P4HB: variants seen among roughly 807,000 people sequenced by gnomAD.
P4HB encodes the protein protein disulfide-isomerase.
P4HB carries 20 observed loss-of-function variants against 52.6 expected under a neutral mutation model. That is an observed-to-expected ratio of 0.38 (90% CI 0.27 to 0.55). The LOEUF (loss-of-function observed/expected upper bound fraction) is 0.55, where lower values mean the gene tolerates loss of function less well. Ranked by LOEUF, P4HB falls within the 20% of genes least tolerant of loss-of-function variation. P4HB has a pLI of 0.74. For synonymous variants in P4HB, 296 were observed against 277.9 expected (o/e 1.07, Z -0.65); for missense variants, 601 against 669.2 (o/e 0.90, Z 1.12).
At chr17:81,857,059 C>T (rs1196352365) in intron 2 of P4HB, among the ~76,000 whole-genome samples, 3 of 151,872 alleles carry the variant, frequency 2.0e-5, no homozygotes, top group Non-Finnish European at 2.9e-5. Context: ...CTGGGATTAC[C>T]GGGATGAACC....
intron 5 of P4HB, 85 bp downstream of exon 5, chr17:81,847,158 G>A: frequency 6.3e-7 from 1 of 1,598,056 alleles, no homozygotes. Flanking sequence ...GTCAGACGCT[G>A]GACAGCAGTG....
Position 81,860,433 on chromosome 17 carries a change from G to T in P4HB, c.39C>A (p.Ala13=), listed in dbSNP as rs747805349. 3.5e-6 allele frequency: 5 copies of T among 1,413,384 alleles called. No homozygotes were observed. Among genetic ancestry groups the T allele is most frequent in the Non-Finnish European group, 2.8e-6 (3 of 1,079,564 alleles). The allele number at this position is 1,413,384 out of a possible 1,614,324, so 87.6% of individuals were successfully genotyped here. The change falls in exon 1 of 11, where the codon GCC becomes GCA. Residue 13 remains alanine (A), a synonymous_variant. Transcript: ENST00000331483. ...RRALLCLAVA[A]LVRADAPEEE... Reference sequence around the variant, plus strand: ...CCTCGGGGGCGTCGGCGCGCACCAGGGCGGCCACGGCCAGGCACAGCAGAG... The same window carrying T: ...CCTCGGGGGCGTCGGCGCGCACCAGTGCGGCCACGGCCAGGCACAGCAGAG...
chr17:81,859,490 A>T (rs1266387346), intron 1 of P4HB, 103 bp from the exon 2 acceptor site: 2 of 1,007,092 alleles, frequency 2.0e-6, no homozygotes, highest in Non-Finnish European at 3.0e-6. Context: ...CCTTCATAAA[A>T]ACCTTATCTA....
Position 81,855,417 on chromosome 17 carries a change from C to T in P4HB, c.486+36G>A, listed in dbSNP as rs201722995. ...CTGTGGACCCCTCCTCAATGGATGA[C>T]GGAAGGAAGGAAGACTGGAATGCTC... is the stretch of plus-strand genomic sequence containing the variant. On this transcript the variant is annotated intron_variant, in intron 3 of 10. Coordinates refer to ENST00000331483, the MANE Select transcript of P4HB (RefSeq NM_000918.4). The surrounding 1 kb of genome is among the most constrained non-coding windows in gnomAD (Gnocchi z 4.3). 1.4e-4 allele frequency: 224 copies of T among 1,598,128 alleles called. No individual in the cohort carries two copies. Among genetic ancestry groups the T allele is most frequent in the Non-Finnish European group, 1.8e-4 (212 of 1,169,404 alleles).
chr17:81,858,998 G>A, intron 2 of P4HB, 183 bp downstream of exon 2: 1 of 603,948 alleles, frequency 1.7e-6, no homozygotes, highest in East Asian at 2.8e-5. Flanking sequence ...GGTTCTTCCA[G>A]GATGAAAACT....
rs1383407779 is a variant in P4HB at position 81,860,309 on chromosome 17, G to A, written c.145+18C>T. ...CAGCGGCCCCGAGCCCCGCCCGCCC[G>A]CCAGGCCCGGCGCTCACAGAACTCC... On this transcript the variant is annotated intron_variant, in intron 1 of 10. Coordinates refer to ENST00000331483, the MANE Select transcript of P4HB (RefSeq NM_000918.4). 1 of 1,436,592 alleles carries A rather than the reference G, an allele frequency of 7.0e-7. No individual in the cohort carries two copies. The highest frequency in any genetic ancestry group is 9.2e-7 in the Non-Finnish European group (1 of 1,091,508). 89.0% of individuals were successfully genotyped at this position (1,436,592 alleles called of 1,614,324 possible). A position where few individuals can be genotyped will look rare whatever the true frequency, so the allele number is the denominator to read the frequency against.
At chr17:81,851,706 C>T (rs548995448) in intron 4 of P4HB, among the ~76,000 whole-genome samples, 29 of 152,354 alleles carry the variant, frequency 1.9e-4, no homozygotes, top group Non-Finnish European at 3.8e-4. Flanking sequence ...CCGCCTACAC[C>T]ATCTCATGCC....
intron 4 of P4HB, among the ~76,000 whole-genome samples, chr17:81,849,079 A>T (rs562322449): frequency 2.0e-5 from 3 of 150,870 alleles, no homozygotes; most frequent in South Asian, 4.2e-4. Context: ...TACAAAAATC[A>T]GTTGGGTATG....
At chr17:81,857,030 A>G (rs2038923020) in intron 2 of P4HB, among the ~76,000 whole-genome samples, 1 of 151,598 alleles carries the variant, frequency 6.6e-6, no homozygotes, top group Admixed American at 6.6e-5. Context: ...CAGTCCGCCC[A>G]CCTCGGCCTT....
chr17:81,858,057 C>G (rs946782209), intron 2 of P4HB, among the ~76,000 whole-genome samples: 1 of 151,932 alleles, frequency 6.6e-6, no homozygotes, highest in Non-Finnish European at 1.5e-5. Flanking sequence ...GGGTGGATCA[C>G]GAGGTCACGA....
At chr17:81,858,066 G>A (rs561333999) in intron 2 of P4HB, among the ~76,000 whole-genome samples, 1 of 151,976 alleles carries the variant, frequency 6.6e-6, no homozygotes, top group African/African-American at 2.4e-5. Context: ...ACGAGGTCAC[G>A]ATCGAGACCA....
Position 81,855,363 on chromosome 17 carries a change from G to T in P4HB, c.487-84C>A. 6.2e-7 allele frequency: 1 copy of T among 1,600,552 alleles called. No individual in the cohort carries two copies. Among genetic ancestry groups the T allele is most frequent in the Non-Finnish European group, 8.5e-7 (1 of 1,170,494 alleles). On this transcript the variant is annotated intron_variant, in intron 3 of 10. Coordinates refer to ENST00000331483, the MANE Select transcript of P4HB (RefSeq NM_000918.4). This position sits in a 1 kb window ranked among gnomAD's most constrained non-coding sequence, Gnocchi z 4.3. Reference sequence around the variant, plus strand: ...AGACCCTGTAGAGCCCAGGCCAGGGGGGACACGTGCAGAACTGCCAGCTGC... The same window carrying T: ...AGACCCTGTAGAGCCCAGGCCAGGGTGGACACGTGCAGAACTGCCAGCTGC...
Position 81,859,297 on chromosome 17 carries a change from A to T in P4HB, c.236T>A (p.Leu79Ter), listed in dbSNP as rs2038961379. 1 of 1,613,894 alleles carries T rather than the reference A, an allele frequency of 6.2e-7. No homozygotes were observed. The highest frequency in any genetic ancestry group is 1.1e-5 in the South Asian group (1 of 91,092). Residue 79 changes from leucine (L) to a stop codon, truncating the protein, a stop_gained, in exon 2 of 11, where the codon TTG (leucine) becomes TAG (stop). Coordinates refer to ENST00000331483, the MANE Select transcript of P4HB (RefSeq NM_000918.4). LOFTEE classifies it high-confidence loss of function. ...CTCCTCCGTGGCGTCCACCTTGGCC[A>T]ACCTGATCTCGGAACCTTCTGCCTT... ...KLKAEGSEIR[L>*]AKVDATEESD...
At chr17:81,857,677 C>G (rs1354646024) in intron 2 of P4HB, among the ~76,000 whole-genome samples, 1 of 152,158 alleles carries the variant, frequency 6.6e-6, no homozygotes, top group Non-Finnish European at 1.5e-5. Flanking sequence ...ACCCTCCATG[C>G]CTCCCAGACC....
intron 1 of P4HB, 193 bp downstream of exon 1, chr17:81,860,134 G>A (rs935994288): frequency 7.0e-6 from 3 of 428,384 alleles, no homozygotes; most frequent in Non-Finnish European, 1.2e-5. Context: ...CATCGGGACG[G>A]CCCCCCGGCT....
chr17:81,853,144 C>A (rs2038858351), intron 4 of P4HB, among the ~76,000 whole-genome samples: 1 of 152,160 alleles, frequency 6.6e-6, no homozygotes, highest in Admixed American at 6.5e-5. Context: ...GAGGAAGTGG[C>A]TGCAAAAACA....
rs1567836826 is a variant in P4HB at position 81,847,220 on chromosome 17, TGGGGGCTGCAGGGCAGCC to T, written c.729+5_729+22del. On this transcript the variant is annotated splice_donor_5th_base_variant and intron_variant, in intron 5 of 10. Coordinates refer to ENST00000331483, the MANE Select transcript of P4HB (RefSeq NM_000918.4). ...AACCCACTCCTCCCCATCCCCAGCC[TGGGGGCTGCAGGGCAGCC>T]GCACCTGCTCGGTGAACTCGATGAC... The T allele has an allele frequency of 1.2e-6, 2 of 1,611,304 alleles. No homozygotes were observed. Among genetic ancestry groups the T allele is most frequent in the South Asian group, 2.2e-5 (2 of 91,050 alleles).
chr17:81,848,421 A>T (rs986032571), intron 4 of P4HB, among the ~76,000 whole-genome samples: 2 of 152,216 alleles, frequency 1.3e-5, no homozygotes, highest in African/African-American at 4.8e-5. Flanking sequence ...ATTTATGATA[A>T]CATGTAATGG....
chr17:81,855,704 T>G lies in P4HB; in HGVS notation c.353-118A>C. 8.4e-7 allele frequency: 1 copy of G among 1,195,884 alleles called. No homozygotes were observed. Among genetic ancestry groups the G allele is most frequent in the Non-Finnish European group, 1.2e-6 (1 of 866,314 alleles). The allele number at this position is 1,195,884 out of a possible 1,614,324, so 74.1% of individuals were successfully genotyped here. A position where few individuals can be genotyped will look rare whatever the true frequency, so the allele number is the denominator to read the frequency against. ...CTGAGGACACCTGAATCAACCTAAG[T>G]AAGATGTTCTCCCACCATGGAAGAG... On this transcript the variant is annotated intron_variant, in intron 2 of 10. Transcript: ENST00000331483. This position sits in a 1 kb window ranked among gnomAD's most constrained non-coding sequence, Gnocchi z 4.3.
Sources: allele counts gnomAD v4.1 joint callset (sites outside exome capture counted in the v4.1 genomes callset), GRCh38; gene constraint gnomAD v4.1.1; non-coding constraint Gnocchi (gnomAD v3.1); transcripts MANE v1.5; gene names NCBI Gene and HGNC (gene_info 2026-07-23, HGNC 2026-07-21).